Variants in OR9Q1 observed in about 807,000 individuals in gnomAD.
OR9Q1 encodes olfactory receptor 9Q1.
For synonymous variants in OR9Q1, 153 were observed against 148.6 expected (o/e 1.03, Z -0.22); for missense variants, 374 against 378.8 (o/e 0.99, Z 0.11).
chr11:58,162,755 G>T (rs889839554), intron 2 of OR9Q1, among the ~76,000 whole-genome samples: 1 of 152,194 alleles, frequency 6.6e-6, no homozygotes, highest in Non-Finnish European at 1.5e-5. Flanking sequence ...GTTGGTGGGT[G>T]TCAGGTGAGT....
chr11:58,167,637 C>G (rs897935803), intron 2 of OR9Q1, among the ~76,000 whole-genome samples: 5 of 152,156 alleles, frequency 3.3e-5, no homozygotes, highest in Admixed American at 3.3e-4. Flanking sequence ...GCTCATGCAT[C>G]TACGGTCAAT....
Position 58,151,157 on chromosome 11 carries a change from G to T in OR9Q1, c.-14-28274G>T, listed in dbSNP as rs548376653. ...TGGGTTATCCAGTTTCCCTAGCATCGTTTGTTGAAAAGGCACTCAACTAAC... is the reference window on the plus strand; with the variant it reads ...TGGGTTATCCAGTTTCCCTAGCATCTTTTGTTGAAAAGGCACTCAACTAAC... On this transcript the variant is annotated intron_variant, in intron 2 of 2. Transcript: ENST00000335397. Among the ~76,000 whole-genome samples the T allele has an allele frequency of 1.7e-4, 26 of 152,210 alleles. No individual in the cohort carries two copies. The South Asian group carries it at 5.0e-3, about 29-fold the overall frequency.
At chr11:58,087,068 T>C (rs1298066537) in intron 2 of OR9Q1, among the ~76,000 whole-genome samples, 2 of 151,812 alleles carry the variant, frequency 1.3e-5, no homozygotes, top group Non-Finnish European at 2.9e-5. Context: ...TTAATAATTC[T>C]GCAGCATAAA....
chr11:58,065,117 G>A (rs538807776), intron 2 of OR9Q1, among the ~76,000 whole-genome samples: 18 of 152,126 alleles, frequency 1.2e-4, no homozygotes, highest in Non-Finnish European at 2.4e-4. Flanking sequence ...CCTGACAGAG[G>A]GGCTATGGAG....
At chr11:58,032,964 T>C (rs1173186345) in intron 1 of OR9Q1, among the ~76,000 whole-genome samples, 3 of 152,170 alleles carry the variant, frequency 2.0e-5, no homozygotes, top group African/African-American at 2.4e-5. Context: ...CAGACACTTA[T>C]CAAAAGAAGA....
At chr11:58,053,043 A>T (rs1853282292) in intron 1 of OR9Q1, among the ~76,000 whole-genome samples, 1 of 151,416 alleles carries the variant, frequency 6.6e-6, no homozygotes, top group Non-Finnish European at 1.5e-5. Context: ...CAGTGTGGCG[A>T]TTCCTCAGGG....
At chr11:58,143,518 G>A (rs956981318) in intron 2 of OR9Q1, among the ~76,000 whole-genome samples, 1 of 152,188 alleles carries the variant, frequency 6.6e-6, no homozygotes, top group East Asian at 1.9e-4. Flanking sequence ...TTTACCAATT[G>A]TGAAATCTGG....
intron 2 of OR9Q1, among the ~76,000 whole-genome samples, chr11:58,088,986 C>T (rs1027928389): frequency 1.3e-5 from 2 of 151,680 alleles, no homozygotes; most frequent in African/African-American, 4.9e-5. Context: ...AAGCGATTCT[C>T]CTGCCTCATC....
At chr11:58,044,407 A>G (rs1049323032) in intron 1 of OR9Q1, 2 of 152,246 alleles carry the variant, frequency 1.3e-5, no homozygotes, top group Non-Finnish European at 2.9e-5. Flanking sequence ...TGGTTTCCAC[A>G]GGACGTTTTT....
At chr11:58,121,547 A>G (rs550973254) in intron 2 of OR9Q1, among the ~76,000 whole-genome samples, 1 of 152,336 alleles carries the variant, frequency 6.6e-6, no homozygotes, top group East Asian at 1.9e-4. Flanking sequence ...CAGGATCCAC[A>G]ACCAAGTCTC....
At chr11:58,145,026 A>AC (rs1483159285) in intron 2 of OR9Q1, 1 of 162,980 alleles carries the variant, frequency 6.1e-6, no homozygotes, top group East Asian at 1.8e-4. Flanking sequence ...GTGACCTCCC[A>AC]CCCCTGCTGA....
intron 1 of OR9Q1, among the ~76,000 whole-genome samples, chr11:58,048,285 A>G (rs1394820106): frequency 6.6e-6 from 1 of 152,168 alleles, no homozygotes; most frequent in East Asian, 1.9e-4. Flanking sequence ...GCAGATATGG[A>G]TTTGCGAATT....
At chr11:58,031,717 C>T (rs1019570163) in intron 1 of OR9Q1, 1 of 1,614,098 alleles carries the variant, frequency 6.2e-7, no homozygotes, top group Admixed American at 1.7e-5. Flanking sequence ...TGAGCCTCTT[C>T]TATGGCACTC....
chr11:58,104,256 G>C (rs543714147), intron 2 of OR9Q1, among the ~76,000 whole-genome samples: 45 of 151,966 alleles, frequency 3.0e-4, no homozygotes, highest in African/African-American at 1.1e-3. Context: ...CATATGAACT[G>C]AAGGAGTGGA....
chr11:58,118,032 T>G (rs1258402523), intron 2 of OR9Q1: 1 of 153,014 alleles, frequency 6.5e-6, no homozygotes, highest in Non-Finnish European at 1.5e-5. Context: ...CCCTGCTTAG[T>G]GAGGTGATCA....
chr11:58,144,529 G>A (rs1286416555), intron 2 of OR9Q1: 1 of 152,042 alleles, frequency 6.6e-6, no homozygotes, highest in Admixed American at 6.6e-5. Flanking sequence ...AGGGGGTTCC[G>A]GTTGAAGGCA....
At chr11:58,029,864 T>C (rs1853013548) in intron 1 of OR9Q1, among the ~76,000 whole-genome samples, 1 of 139,772 alleles carries the variant, frequency 7.2e-6, no homozygotes, top group South Asian at 2.4e-4. Flanking sequence ...TTTTTTGACA[T>C]TAAGTCTTGC....
chr11:58,048,763 T>C (rs1333685579), intron 1 of OR9Q1, among the ~76,000 whole-genome samples: 1 of 135,682 alleles, frequency 7.4e-6, no homozygotes, highest in Admixed American at 7.6e-5. Context: ...ATAAAGGGGA[T>C]ATCACCACCG....
chr11:58,119,596 T>A, intron 2 of OR9Q1: 1 of 589,722 alleles, frequency 1.7e-6, no homozygotes. Context: ...TGAAACTGGC[T>A]GATTTTCCTT....
Sources: gnomAD v4.1 joint callset for allele counts (sites outside exome capture counted in the v4.1 genomes callset) on GRCh38, gnomAD v4.1.1 for gene constraint, MANE v1.5 for transcripts, NCBI Gene and HGNC (gene_info 2026-07-23, HGNC 2026-07-21) for gene names.